Variants in SNX24 observed in about 807,000 individuals in gnomAD.
SNX24 encodes sorting nexin-24.
Under a neutral mutation model 28.7 loss-of-function variants are expected in SNX24, and 22 were observed. The ratio of observed to expected loss-of-function variants is 0.77; its 90% CI spans 0.55 to 1.10. SNX24 has a LOEUF of 1.10. SNX24 is among the 50% of genes least tolerant of loss of function. The probability of loss-of-function intolerance (pLI) is 0.00; values close to 1 mark genes in which losing one functional copy is unlikely to be tolerated. For missense variants in SNX24, 221 were observed against 201.1 expected, an observed-to-expected ratio of 1.10 and a Z score of -0.60; for synonymous variants, 69 against 71.5, an observed-to-expected ratio of 0.96 and a Z score of 0.18.
intron 1 of SNX24, among the ~76,000 whole-genome samples, chr5:122,864,244 G>A (rs1034909166): frequency 2.6e-5 from 4 of 152,132 alleles, no homozygotes; most frequent in Non-Finnish European, 5.9e-5. Context: ...AGGAAGTGTT[G>A]GAAGATGGTT....
At chr5:122,877,799 A>T (rs1756298983) in intron 1 of SNX24, among the ~76,000 whole-genome samples, 1 of 151,180 alleles carries the variant, frequency 6.6e-6, no homozygotes, top group Non-Finnish European at 1.5e-5. Flanking sequence ...ATTCTGCCTG[A>T]GTTTGCTCCT....
intron 1 of SNX24, among the ~76,000 whole-genome samples, chr5:122,862,052 G>C (rs1296287685): frequency 1.3e-5 from 2 of 152,308 alleles, no homozygotes; most frequent in Non-Finnish European, 2.9e-5. Context: ...GCTCACTCTG[G>C]AAGGCTGAGT....
chr5:123,012,492 CAG>C (rs1481454981), downstream of SNX24, among the ~76,000 whole-genome samples: 2 of 152,132 alleles, frequency 1.3e-5, no homozygotes, highest in Non-Finnish European at 2.9e-5. Context: ...CTTTGGTTGA[CAG>C]AGGCTGGGGG....
At position 122,907,881 on chromosome 5, in the gene SNX24, T is replaced by G. The variant is rs1757708993; in HGVS notation, c.61-28853T>G. ...GTATAACTGGGCAGTTATAGCTCAC[T>G]GAATGGTAATTTTTTTTTTTTTTTA... On this transcript the variant is annotated intron_variant, in intron 1 of 6. Transcript: ENST00000261369. Among the ~76,000 whole-genome samples, 2 of 151,922 alleles carry G rather than the reference T, an allele frequency of 1.3e-5. 1 individual carries two copies. Among genetic ancestry groups the G allele is most frequent in the African/African-American group, 4.8e-5 (2 of 41,372 alleles).
At chr5:122,986,749 T>C (rs2150161259) in intron 3 of SNX24, among the ~76,000 whole-genome samples, 1 of 151,468 alleles carries the variant, frequency 6.6e-6, no homozygotes, top group East Asian at 1.9e-4. Flanking sequence ...GATTTTTTTT[T>C]TCCTGTTGTT....
chr5:122,864,802 A>G (rs990089873), intron 1 of SNX24, among the ~76,000 whole-genome samples: 2 of 152,264 alleles, frequency 1.3e-5, no homozygotes, highest in African/African-American at 4.8e-5. Flanking sequence ...CTCCAGCTGC[A>G]TGACTCCTAA....
rs553250124 is a variant in SNX24, at chr5:122,930,851, T to G, written c.61-5883T>G. On this transcript the variant is annotated intron_variant, in intron 1 of 6. Coordinates refer to ENST00000261369, the MANE Select transcript of SNX24 (RefSeq NM_014035.4). ...TTACATAGGTATTTTGTTGTGGCAA[T>G]TATGGTAAGTTCTTACCTAATATCA... is the stretch of plus-strand genomic sequence containing the variant. 7.9e-5 allele frequency among the ~76,000 whole-genome samples: 12 copies of G among 152,340 alleles called. No individual in the cohort carries two copies. The East Asian group carries it at 2.3e-3, about 29-fold the overall frequency.
chr5:122,900,017 G>GT (rs373375184), intron 1 of SNX24, among the ~76,000 whole-genome samples: 121 of 150,842 alleles, frequency 8.0e-4, no homozygotes, highest in African/African-American at 2.3e-3. Flanking sequence ...TATGGTGTGG[G>GT]TTTTTTTTTG....
At chr5:123,029,125 A>G (rs777521666) in intron 5 of SNX24, 88 of 1,189,822 alleles carry the variant, frequency 7.4e-5, no homozygotes, top group Non-Finnish European at 1.0e-4. Flanking sequence ...TTTTCTCCCA[A>G]TTTCCAGAAG....
At chr5:122,900,477 T>C (rs1757390940) in intron 1 of SNX24, among the ~76,000 whole-genome samples, 1 of 152,048 alleles carries the variant, frequency 6.6e-6, no homozygotes, top group Admixed American at 6.6e-5. Flanking sequence ...ATAGAAAACA[T>C]AACTAAGGGC....
At chr5:122,929,365 A>C (rs1758848165) in intron 1 of SNX24, among the ~76,000 whole-genome samples, 1 of 152,154 alleles carries the variant, frequency 6.6e-6, no homozygotes, top group Admixed American at 6.5e-5. Context: ...GCCCTCTCTT[A>C]TTAAAAAACT....
intron 1 of SNX24, among the ~76,000 whole-genome samples, chr5:122,865,752 C>T (rs1370672562): frequency 6.6e-6 from 1 of 152,168 alleles, no homozygotes; most frequent in African/African-American, 2.4e-5. Flanking sequence ...GGTGAGACTG[C>T]AAGTTGGAAG....
At chr5:123,028,322 A>G (rs746054798) in intron 5 of SNX24, among the ~76,000 whole-genome samples, 7 of 152,198 alleles carry the variant, frequency 4.6e-5, no homozygotes, top group Non-Finnish European at 1.0e-4. Flanking sequence ...ATTTTGAAAG[A>G]AGGAGGAAAG....
chr5:122,982,493 T>A (rs930785680), intron 3 of SNX24, among the ~76,000 whole-genome samples: 26 of 152,152 alleles, frequency 1.7e-4, no homozygotes, highest in African/African-American at 6.3e-4. Flanking sequence ...GAAATGAAAT[T>A]TTGTAGTTAT....
At chr5:123,002,517 A>G (rs1762280563) in intron 6 of SNX24, among the ~76,000 whole-genome samples, 2 of 152,250 alleles carry the variant, frequency 1.3e-5, no homozygotes, top group Non-Finnish European at 2.9e-5. Context: ...CTATAATCCC[A>G]GCTACTCGGG....
chr5:122,851,937 G>A (rs970356222), intron 1 of SNX24, among the ~76,000 whole-genome samples: 18 of 151,866 alleles, frequency 1.2e-4, no homozygotes, highest in Middle Eastern at 3.4e-3. Flanking sequence ...AAATATTACC[G>A]CAAAATTATC....
intron 1 of SNX24, among the ~76,000 whole-genome samples, chr5:122,849,593 A>C (rs990623407): frequency 9.9e-5 from 15 of 151,602 alleles, no homozygotes; most frequent in Admixed American, 2.6e-4. Flanking sequence ...ATATGCCCCC[A>C]AAAAAGGGGG....
intron 1 of SNX24, among the ~76,000 whole-genome samples, chr5:122,901,624 T>C (rs1428148815): frequency 6.6e-6 from 1 of 152,224 alleles, no homozygotes; most frequent in Admixed American, 6.5e-5. Context: ...GAAGGTTTAC[T>C]TGGCCTCTCA....
chr5:122,915,912 T>C (rs1238808793), intron 1 of SNX24, among the ~76,000 whole-genome samples: 1 of 152,238 alleles, frequency 6.6e-6, no homozygotes, highest in Admixed American at 6.5e-5. Flanking sequence ...CCCCCCAGGC[T>C]TCAGGCCTGT....
Sources: allele counts gnomAD v4.1 joint callset (sites outside exome capture counted in the v4.1 genomes callset), GRCh38; gene constraint gnomAD v4.1.1; transcripts MANE v1.5; gene names NCBI Gene and HGNC (gene_info 2026-07-23, HGNC 2026-07-21).